Variants in BAZ2B observed in about 807,000 individuals in gnomAD.
BAZ2B encodes bromodomain adjacent to zinc finger domain protein 2B.
BAZ2B carries 91 observed loss-of-function variants against 246.0 expected under a neutral mutation model. The observed-to-expected ratio is 0.37, with a 90% CI of 0.31 to 0.44. BAZ2B has a LOEUF of 0.44. BAZ2B is among the 20% of genes least tolerant of loss of function. The pLI, the probability that BAZ2B is intolerant of heterozygous loss-of-function variation, is 1.00. For missense variants in BAZ2B, 2,332 were observed against 2,533.7 expected (o/e 0.92, Z 1.71); for synonymous variants, 855 against 860.0 (o/e 0.99, Z 0.10).
chr2:159,502,437 C>A (rs899046216), intron 2 of BAZ2B, among the ~76,000 whole-genome samples: 3 of 144,540 alleles, frequency 2.1e-5, no homozygotes, highest in African/African-American at 7.7e-5. Flanking sequence ...CCAGCCTGGG[C>A]AACATGGCAA....
At chr2:159,712,224 A>T in the BAZ2B span, 3 of 150,864 alleles carry the variant, frequency 2.0e-5, no homozygotes, top group African/African-American at 7.3e-5. Flanking sequence ...ACGGGCGGGG[A>T]CCGCCCCGGC....
intron 1 of BAZ2B, among the ~76,000 whole-genome samples, chr2:159,559,590 G>A (rs2089609615): frequency 6.6e-6 from 1 of 152,012 alleles, no homozygotes; most frequent in African/African-American, 2.4e-5. Context: ...AAGCACTAAA[G>A]CTCATAGGAT....
At chr2:159,501,246 T>C (rs1366002673) in intron 2 of BAZ2B, among the ~76,000 whole-genome samples, 2 of 125,236 alleles carry the variant, frequency 1.6e-5, no homozygotes, top group African/African-American at 6.0e-5. Flanking sequence ...ATATATAAAG[T>C]AGCTGAGCAT....
At chr2:159,644,050 A>G in the BAZ2B span, among the ~76,000 whole-genome samples, 2 of 152,288 alleles carry the variant, frequency 1.3e-5, no homozygotes, top group South Asian at 4.1e-4. Context: ...TAGACACTGC[A>G]GTTAGCTATG....
chr2:159,389,369 T>C lies in BAZ2B; in HGVS notation c.3192A>G (p.Glu1064=). 6.2e-7 allele frequency: 1 copy of C among 1,610,432 alleles called. No individual in the cohort carries two copies. Among genetic ancestry groups the C allele is most frequent in the Non-Finnish European group, 8.5e-7 (1 of 1,178,308 alleles). ...EMAKELKKPN[E]DMCLADQKPL... is the part of the protein sequence containing the mutation. ...CCTTTTGGTCTGCTAAGCACATGTC[T>C]TCATTAGGCTTCTTTAGTTCCTTTG... is the stretch of plus-strand genomic sequence containing the variant. The change falls in exon 21 of 37, where the codon GAA becomes GAG. Residue 1064 remains glutamate (E), a synonymous_variant. Transcript: ENST00000392783.
chr2:159,511,496 G>A (rs575896104), intron 2 of BAZ2B, among the ~76,000 whole-genome samples: 1 of 152,212 alleles, frequency 6.6e-6, no homozygotes, highest in South Asian at 2.1e-4. Context: ...GTGAGGTGTC[G>A]CGCCCAGCCT....
At chr2:159,508,207 C>T (rs2082540516) in intron 2 of BAZ2B, among the ~76,000 whole-genome samples, 1 of 152,154 alleles carries the variant, frequency 6.6e-6, no homozygotes, top group East Asian at 1.9e-4. Context: ...ATTATACAGC[C>T]TCATAAATAG....
At chr2:159,433,437 T>C (rs2071519666) in intron 8 of BAZ2B, 74 bp from the exon 9 acceptor site, 1 of 1,361,804 alleles carries the variant, frequency 7.3e-7, no homozygotes, top group African/African-American at 1.5e-5. Flanking sequence ...GCTTTCAATA[T>C]CTGAAAACAA....
At chr2:159,594,935 A>G (rs1175329131) in intron 1 of BAZ2B, among the ~76,000 whole-genome samples, 4 of 151,238 alleles carry the variant, frequency 2.6e-5, no homozygotes, top group Non-Finnish European at 5.9e-5. Flanking sequence ...GCATGGCCCA[A>G]CAAATTTTTA....
intron 34 of BAZ2B, among the ~76,000 whole-genome samples, chr2:159,332,136 C>T (rs1235628299): frequency 6.6e-6 from 1 of 151,950 alleles, no homozygotes; most frequent in Non-Finnish European, 1.5e-5. Flanking sequence ...TAGGGAATAC[C>T]TAGAGTCTGC....
At chr2:159,350,501 T>C in intron 27 of BAZ2B, 144 bp from the exon 28 acceptor site, 1 of 591,986 alleles carries the variant, frequency 1.7e-6, no homozygotes, top group Non-Finnish European at 2.6e-6. Context: ...TTTTCCTTTT[T>C]TATAGATTAT....
intron 4 of BAZ2B, among the ~76,000 whole-genome samples, chr2:159,452,658 A>G (rs1009286709): frequency 5.9e-5 from 9 of 152,242 alleles, no homozygotes; most frequent in Admixed American, 4.6e-4. Context: ...GGCTTTCAAG[A>G]TAATATAACA....
chr2:159,670,681 G>C, the BAZ2B span: 1 of 152,094 alleles, frequency 6.6e-6, no homozygotes, highest in Non-Finnish European at 1.5e-5. Flanking sequence ...GAGGATAACA[G>C]TCTTTTATTT....
At chr2:159,325,985 T>A (rs2063662313) in intron 34 of BAZ2B, 67 bp from the exon 35 acceptor site, 8 of 1,327,880 alleles carry the variant, frequency 6.0e-6, no homozygotes, top group Non-Finnish European at 6.1e-6. Context: ...TTATTTTAAA[T>A]TATGAAAGTC....
At chr2:159,682,662 ATTGG>A in the BAZ2B span, among the ~76,000 whole-genome samples, 10 of 152,316 alleles carry the variant, frequency 6.6e-5, no homozygotes, top group Admixed American at 5.9e-4. Flanking sequence ...ATGTAGGGGC[ATTGG>A]TTGGTGATGC....
chr2:159,347,352 C>A, intron 31 of BAZ2B, 134 bp downstream of exon 31: 1 of 1,074,906 alleles, frequency 9.3e-7, no homozygotes, highest in South Asian at 1.4e-5. Context: ...GCAAATTAAT[C>A]CAGGATTGTT....
At chr2:159,651,962 G>A in the BAZ2B span, among the ~76,000 whole-genome samples, 1 of 152,000 alleles carries the variant, frequency 6.6e-6, no homozygotes, top group East Asian at 1.9e-4. Flanking sequence ...TGAATAAATT[G>A]TTTCAAATTT....
At chr2:159,512,358 G>C (rs2083018474) in intron 2 of BAZ2B, among the ~76,000 whole-genome samples, 1 of 152,084 alleles carries the variant, frequency 6.6e-6, no homozygotes, top group Admixed American at 6.5e-5. Flanking sequence ...TCAAAAGTAA[G>C]TATGTTTCAA....
chr2:159,582,197 A>T (rs191967571), intron 1 of BAZ2B, among the ~76,000 whole-genome samples: 37 of 152,340 alleles, frequency 2.4e-4, no homozygotes, highest in African/African-American at 7.9e-4. Flanking sequence ...ATTAGATTTT[A>T]AAAAATAAGT....
Sources: allele counts gnomAD v4.1 joint callset (sites outside exome capture counted in the v4.1 genomes callset), GRCh38; gene constraint gnomAD v4.1.1; transcripts MANE v1.5; gene names NCBI Gene and HGNC (gene_info 2026-07-23, HGNC 2026-07-21).